The following RAP1GAP2 variants were observed in gnomAD, a reference collection of about 807,000 sequenced individuals.
RAP1GAP2 encodes the protein rap1 GTPase-activating protein 2.
A neutral mutation model predicts 95.0 loss-of-function variants in RAP1GAP2; 27 were observed. The observed-to-expected ratio is 0.28, with a 90% CI of 0.21 to 0.39. The LOEUF (loss-of-function observed/expected upper bound fraction) is 0.39. Ranked by LOEUF, RAP1GAP2 falls within the 10% of genes least tolerant of loss-of-function variation. RAP1GAP2 has a pLI of 1.00. For synonymous variants in RAP1GAP2, 373 were observed against 380.9 expected (o/e 0.98, Z 0.24); for missense variants, 771 against 970.0 (o/e 0.79, Z 2.72).
chr17:2,897,700 G>A (rs148790822), intron 2 of RAP1GAP2, among the ~76,000 whole-genome samples: 616 of 152,078 alleles, frequency 4.1e-3, no homozygotes, highest in Non-Finnish European at 7.2e-3. Context: ...AGCCTGGGCC[G>A]AGGTGATTTG....
chr17:2,767,342 A>G (rs2068294536), intron 1 of RAP1GAP2, among the ~76,000 whole-genome samples: 1 of 140,762 alleles, frequency 7.1e-6, no homozygotes, highest in Non-Finnish European at 1.5e-5. Context: ...AGCCTGGGCA[A>G]CAGAGTGAGA....
chr17:3,028,958 C>T (rs1291510976), intron 22 of RAP1GAP2, among the ~76,000 whole-genome samples: 7 of 152,062 alleles, frequency 4.6e-5, no homozygotes, highest in Admixed American at 4.6e-4. Flanking sequence ...GTGCCACATG[C>T]CCGGCTAATT....
chr17:2,882,193 C>G (rs1484050214), intron 2 of RAP1GAP2, among the ~76,000 whole-genome samples: 1 of 142,756 alleles, frequency 7.0e-6, no homozygotes, highest in South Asian at 2.2e-4. Flanking sequence ...GTGGTGCGTT[C>G]TTGGCTCACT....
chr17:2,891,105 T>C (rs1474931029), intron 2 of RAP1GAP2, among the ~76,000 whole-genome samples: 3 of 152,134 alleles, frequency 2.0e-5, no homozygotes, highest in East Asian at 1.9e-4. Context: ...TAACTCCTGT[T>C]TCTGCCATTA....
intron 9 of RAP1GAP2, 74 bp from the exon 10 acceptor site, chr17:2,981,121 T>C (rs1348586148): frequency 5.6e-6 from 8 of 1,421,320 alleles, no homozygotes; most frequent in Non-Finnish European, 7.8e-6. Flanking sequence ...TGCCGCATTG[T>C]CCAGGTGGGC....
intron 14 of RAP1GAP2, among the ~76,000 whole-genome samples, chr17:3,002,219 C>T (rs2046184715): frequency 6.6e-6 from 1 of 152,192 alleles, no homozygotes; most frequent in Admixed American, 6.5e-5. Flanking sequence ...CCTCGGCCTC[C>T]CAAAGTGCTG....
chr17:3,026,270 C>T, intron 20 of RAP1GAP2, 80 bp from the exon 21 acceptor site: 1 of 1,380,222 alleles, frequency 7.2e-7, no homozygotes, highest in Admixed American at 2.0e-5. Flanking sequence ...TGGGGAGCCG[C>T]CAGAGGTCCC....
intron 3 of RAP1GAP2, among the ~76,000 whole-genome samples, chr17:2,911,495 C>A (rs2042380492): frequency 6.6e-6 from 1 of 151,752 alleles, no homozygotes; most frequent in South Asian, 2.1e-4. Flanking sequence ...TAGGGAGGGG[C>A]AGTTGTATGC....
At chr17:3,020,673 C>T in intron 19 of RAP1GAP2, 78 bp downstream of exon 19, 2 of 1,303,462 alleles carry the variant, frequency 1.5e-6, no homozygotes, top group Non-Finnish European at 2.2e-6. Flanking sequence ...CTGTTCAGTG[C>T]CCTACCTTGC....
chr17:2,951,435 CTTG>C (rs1282397541), intron 3 of RAP1GAP2, among the ~76,000 whole-genome samples: 3 of 152,212 alleles, frequency 2.0e-5, no homozygotes, highest in Non-Finnish European at 2.9e-5. Flanking sequence ...AGAGGTCGAA[CTTG>C]TTGTGTGCGG....
chr17:2,828,643 G>C (rs1442775406), intron 2 of RAP1GAP2, among the ~76,000 whole-genome samples: 1 of 152,186 alleles, frequency 6.6e-6, no homozygotes, highest in East Asian at 1.9e-4. Flanking sequence ...CCCGGGCATG[G>C]CTGGGAGAGC....
chr17:2,960,338 C>T (rs1180812919), intron 4 of RAP1GAP2, among the ~76,000 whole-genome samples: 2 of 152,062 alleles, frequency 1.3e-5, no homozygotes, highest in Non-Finnish European at 2.9e-5. Flanking sequence ...GACTCCTGCC[C>T]TCACTGCCCC....
intron 8 of RAP1GAP2, among the ~76,000 whole-genome samples, chr17:2,972,598 C>A (rs1410968529): frequency 9.1e-3 from 776 of 85,260 alleles, no homozygotes; most frequent in Middle Eastern, 0.018. Flanking sequence ...AAGTCCTTCT[C>A]AAAAAAAAAA....
chr17:2,898,550 A>G (rs1351577705), intron 2 of RAP1GAP2, among the ~76,000 whole-genome samples: 1 of 152,142 alleles, frequency 6.6e-6, no homozygotes, highest in African/African-American at 2.4e-5. Flanking sequence ...AGCCATGTGC[A>G]TATACCCGGG....
At chr17:2,932,345 G>C (rs2043181720) in intron 3 of RAP1GAP2, among the ~76,000 whole-genome samples, 1 of 151,798 alleles carries the variant, frequency 6.6e-6, no homozygotes. Context: ...GTCTCTCTGG[G>C]GGACAACTGC....
At chr17:2,755,671 T>TGTCCACCGTGCGGA (rs2071124607), upstream of RAP1GAP2, 1 of 281,422 alleles carries the variant, frequency 3.6e-6, no homozygotes, top group Non-Finnish European at 6.6e-6. Context: ...CAGCCGAGCC[T>TGTCCACCGTGCGGA]CCTCCACCGT....
intron 17 of RAP1GAP2, among the ~76,000 whole-genome samples, chr17:3,010,385 G>A (rs1466382860): frequency 2.0e-5 from 3 of 151,222 alleles, no homozygotes; most frequent in South Asian, 2.1e-4. Flanking sequence ...CAGTTGGGGA[G>A]CCAACATAAT....
rs2044148227 is a variant in RAP1GAP2, at chr17:2,957,183, A to G, written c.166-576A>G. 4.6e-5 allele frequency among the ~76,000 whole-genome samples: 7 copies of G among 151,542 alleles called. No homozygotes were observed. In the South Asian group the frequency reaches 1.5e-3, roughly 32 times the overall value. ...TCTAGGCCCCTGGAGGCCTCGGTTC[A>G]ATGGTGTTCAGGCTTTGCTTCACCA... On this transcript the variant is annotated intron_variant, in intron 3 of 24. Coordinates refer to ENST00000254695, the MANE Select transcript of RAP1GAP2 (RefSeq NM_015085.5).
intron 8 of RAP1GAP2, among the ~76,000 whole-genome samples, chr17:2,979,460 G>GTTTTTT (rs71153320): frequency 3.2e-4 from 25 of 78,598 alleles, no homozygotes; most frequent in Non-Finnish European, 3.9e-4. Context: ...GGCGTGTTCT[G>GTTTTTT]TTTTTTTTTT....
Sources: gnomAD v4.1 joint callset for allele counts (sites outside exome capture counted in the v4.1 genomes callset) on GRCh38, gnomAD v4.1.1 for gene constraint, MANE v1.5 for transcripts, NCBI Gene and HGNC (gene_info 2026-07-23, HGNC 2026-07-21) for gene names.